BRMS1: variants seen among roughly 807,000 people sequenced by gnomAD.
BRMS1 encodes the protein breast cancer metastasis-suppressor 1.
Under a neutral mutation model 40.4 loss-of-function variants are expected in BRMS1, and 26 were observed. The observed-to-expected ratio is 0.64, with a 90% CI of 0.47 to 0.89. The LOEUF (loss-of-function observed/expected upper bound fraction) is 0.89, where lower values mean the gene tolerates loss of function less well. Ranked by LOEUF, BRMS1 falls within the 40% of genes least tolerant of loss-of-function variation. BRMS1 has a pLI of 0.00. For missense variants in BRMS1, 289 were observed against 309.4 expected, an observed-to-expected ratio of 0.93 and a Z score of 0.49; for synonymous variants, 103 against 116.0, an observed-to-expected ratio of 0.89 and a Z score of 0.72.
At position 66,340,882 on chromosome 11, in the gene BRMS1, G is replaced by A; in HGVS notation, c.439-12C>T. 1 of 1,613,952 alleles carries A rather than the reference G, an allele frequency of 6.2e-7. No homozygotes were observed. Among genetic ancestry groups the A allele is most frequent in the Non-Finnish European group, 8.5e-7 (1 of 1,179,886 alleles). On this transcript the variant is annotated splice_polypyrimidine_tract_variant and intron_variant, in intron 5 of 9. Coordinates refer to ENST00000359957, the MANE Select transcript of BRMS1 (RefSeq NM_015399.4). The stretch of plus-strand genomic sequence containing the variant: ...AGCAGCTTCTCACTCTGGAAGAGGG[G>A]GCAATAGCTCAGCAGGACGGATGGG...
intron 7 of BRMS1, 126 bp downstream of exon 7, chr11:66,339,995 G>T: frequency 1.4e-6 from 1 of 711,328 alleles, no homozygotes. Flanking sequence ...ATATTCACAT[G>T]ACACCAAGCA....
chr11:66,340,056 C>A lies in BRMS1; in HGVS notation c.628+65G>T, dbSNP rs1785633. The A allele has an allele frequency of 0.68, 935,458 of 1,384,694 alleles. 323,251 individuals are homozygous for A. The highest frequency in any genetic ancestry group is 0.81 in the South Asian group (68,733 of 85,292). The allele number at this position is 1,384,694 out of a possible 1,614,324, so 85.8% of individuals were successfully genotyped here. A position where few individuals can be genotyped will look rare whatever the true frequency, so the allele number is the denominator to read the frequency against. On this transcript the variant is annotated intron_variant, in intron 7 of 9. Coordinates refer to ENST00000359957, the MANE Select transcript of BRMS1 (RefSeq NM_015399.4). ...TCCTCCATGTCCCCTCCAACCCCCT[C>A]CCCTGGGTCTGGAGTTGACCCTTAC...
At position 66,337,756 on chromosome 11, in the gene BRMS1, C is replaced by A; in HGVS notation, c.*126G>T. ...CAGATGGAGTGGGAGGGCCCAGCAGCACCACAGGAGCCTGGCTGGGCAGAC... is the reference window on the plus strand; with the variant it reads ...CAGATGGAGTGGGAGGGCCCAGCAGAACCACAGGAGCCTGGCTGGGCAGAC... On this transcript the variant is annotated 3_prime_UTR_variant, in exon 10 of 10. Transcript: ENST00000359957. 1 of 1,613,178 alleles carries A rather than the reference C, an allele frequency of 6.2e-7. No homozygotes were observed.
Position 66,341,884 on chromosome 11 carries a change from A to G in BRMS1, c.139+212T>C, listed in dbSNP as rs1477554239. 3.3e-6 allele frequency: 2 copies of G among 597,830 alleles called. No individual in the cohort carries two copies. Among genetic ancestry groups the G allele is most frequent in the South Asian group, 1.9e-5 (1 of 53,790 alleles). The allele number at this position is 597,830 out of a possible 1,614,324, so 37.0% of individuals were successfully genotyped here. On this transcript the variant is annotated intron_variant, in intron 2 of 9. Coordinates refer to ENST00000359957, the MANE Select transcript of BRMS1 (RefSeq NM_015399.4). This position sits in a 1 kb window ranked among gnomAD's most constrained non-coding sequence, Gnocchi z 4.9. ...GTGTGAAGGGGCTGTGTGTGTGCAT[A>G]CGTGCTTGTGTGTAGGGGCTGTGTG... is the stretch of plus-strand genomic sequence containing the variant.
At position 66,341,530 on chromosome 11, in the gene BRMS1, C is replaced by G. The variant is rs747740272; in HGVS notation, c.230+3G>C. ...ACCCAGCCCAAGGTGTCCCCACGCTCACTTCTCCTTTAGCTCCGAGAACTG... is the reference window on the plus strand; with the variant it reads ...ACCCAGCCCAAGGTGTCCCCACGCTGACTTCTCCTTTAGCTCCGAGAACTG... On this transcript the variant is annotated splice_donor_region_variant and intron_variant, in intron 3 of 9. Coordinates refer to ENST00000359957, the MANE Select transcript of BRMS1 (RefSeq NM_015399.4). The surrounding 1 kb of genome is among the most constrained non-coding windows in gnomAD (Gnocchi z 4.9). 2 of 1,613,988 alleles carry G rather than the reference C, an allele frequency of 1.2e-6. No homozygotes were observed. Among genetic ancestry groups the G allele is most frequent in the Non-Finnish European group, 1.7e-6 (2 of 1,179,926 alleles).
In BRMS1 at chr11:66,341,967, G is replaced by T; in HGVS notation, c.139+129C>A. 9.7e-7 allele frequency: 1 copy of T among 1,030,738 alleles called. No individual in the cohort carries two copies. The allele number at this position is 1,030,738 out of a possible 1,614,324, so 63.8% of individuals were successfully genotyped here. On this transcript the variant is annotated intron_variant, in intron 2 of 9. Coordinates refer to ENST00000359957, the MANE Select transcript of BRMS1 (RefSeq NM_015399.4). The surrounding 1 kb of genome is among the most constrained non-coding windows in gnomAD (Gnocchi z 4.9). ...GTGTGCGCTTGTGTGCAGGGTCTGT[G>T]TATGTGCTTGTGTGTAGGCGCTGTA...
chr11:66,342,304 C>CA, intron 1 of BRMS1, 63 bp from the exon 2 acceptor site: 1 of 1,586,292 alleles, frequency 6.3e-7, no homozygotes, highest in Non-Finnish European at 8.6e-7. Flanking sequence ...AAAGAGGCAG[C>CA]AGGATGCTGA....
In BRMS1 at chr11:66,338,251, TTTCTC is replaced by T; in HGVS notation, c.720_724del (p.Arg241IlefsTer88). ...ACAGCCATGGTTCTTACCATCCGAT[TTTCTC>T]TTCTGAGGGGACACAGCTGCCCTAG... On this transcript the variant is annotated frameshift_variant, in exon 9 of 10. Coordinates refer to ENST00000359957, the MANE Select transcript of BRMS1 (RefSeq NM_015399.4). LOFTEE classifies it high-confidence loss of function. 1.9e-6 allele frequency: 3 copies of T among 1,611,668 alleles called. No individual in the cohort carries two copies. The highest frequency in any genetic ancestry group is 2.5e-6 in the Non-Finnish European group (3 of 1,178,852).
intron 2 of BRMS1, 32 bp downstream of exon 2, chr11:66,342,056 CTGTGTGTG>C: frequency 5.4e-6 from 8 of 1,490,348 alleles, no homozygotes; most frequent in Non-Finnish European, 7.3e-6. Context: ...TGTAGGGGCT[CTGTGTGTG>C]TGTGTGTGTG....
intron 7 of BRMS1, 91 bp downstream of exon 7, chr11:66,340,030 G>T: frequency 9.9e-7 from 1 of 1,005,642 alleles, no homozygotes; most frequent in Non-Finnish European, 1.5e-6. Context: ...TAGTGTGACT[G>T]TCCTCCATGT....
intron 6 of BRMS1, 28 bp downstream of exon 6, chr11:66,340,746 T>G (rs1248028131): frequency 3.8e-6 from 6 of 1,593,206 alleles, no homozygotes; most frequent in Non-Finnish European, 5.1e-6. Flanking sequence ...GGGGCCCAGT[T>G]CCGGGGTGCC....
At position 66,338,251 on chromosome 11, in the gene BRMS1, T is replaced by C; in HGVS notation, c.725A>G (p.Lys242Arg). The change falls in exon 9 of 10, where the codon AAA becomes AGA. Residue 242 changes from lysine to arginine, a missense_variant. Physicochemically the swap from Lys to Arg is conservative, Grantham distance 26 (BLOSUM62 2). Coordinates refer to ENST00000359957, the MANE Select transcript of BRMS1 (RefSeq NM_015399.4). ...ARAAVSPQKRKSDGP is the reference protein window; with the variant it reads ...ARAAVSPQKRRSDGP ...ACAGCCATGGTTCTTACCATCCGAT[T>C]TTCTCTTCTGAGGGGACACAGCTGC... is the stretch of plus-strand genomic sequence containing the variant. 6.2e-7 allele frequency: 1 copy of C among 1,611,668 alleles called. No homozygotes were observed. The highest frequency in any genetic ancestry group is 8.5e-7 in the Non-Finnish European group (1 of 1,178,852).
chr11:66,341,115 C>G lies in BRMS1; in HGVS notation c.359-69G>C. 6.2e-7 allele frequency: 1 copy of G among 1,612,462 alleles called. No homozygotes were observed. Among genetic ancestry groups the G allele is most frequent in the Non-Finnish European group, 8.5e-7 (1 of 1,179,378 alleles). ...GGTGCCCACATAGGAGGGCTGAGAG[C>G]AAAGGGCAAGGCCGGGCAGGAACGA... On this transcript the variant is annotated intron_variant, in intron 4 of 9. Coordinates refer to ENST00000359957, the MANE Select transcript of BRMS1 (RefSeq NM_015399.4). This position sits in a 1 kb window ranked among gnomAD's most constrained non-coding sequence, Gnocchi z 4.9.
chr11:66,341,333 C>T lies in BRMS1; in HGVS notation c.231G>A (p.Lys77=), dbSNP rs1244386488. 1 of 1,612,086 alleles carries T rather than the reference C, an allele frequency of 6.2e-7. No homozygotes were observed. The highest frequency in any genetic ancestry group is 8.5e-7 in the Non-Finnish European group (1 of 1,178,360). ...LEKQFSELKE[K]LFRERLSQLR... Reference sequence around the variant, plus strand: ...GCTGACTCAGTCGTTCCCTGAACAACCTGCGTGGTAAAAAGGCAGCCGTGC... The same window carrying T: ...GCTGACTCAGTCGTTCCCTGAACAATCTGCGTGGTAAAAAGGCAGCCGTGC... Residue 77 remains lysine (K), a splice_region_variant and synonymous_variant, in exon 4 of 10, where the codon AAG becomes AAA. Coordinates refer to ENST00000359957, the MANE Select transcript of BRMS1 (RefSeq NM_015399.4). The surrounding 1 kb of genome is among the most constrained non-coding windows in gnomAD (Gnocchi z 4.9).
Position 66,340,875 on chromosome 11 carries a change from A to C in BRMS1, c.439-5T>G, listed in dbSNP as rs770978156. On this transcript the variant is annotated splice_polypyrimidine_tract_variant and splice_region_variant and intron_variant, in intron 5 of 9. Transcript: ENST00000359957. ...ATAGAGCAGCAGCTTCTCACTCTGGAAGAGGGGGCAATAGCTCAGCAGGAC... is the reference window on the plus strand; with the variant it reads ...ATAGAGCAGCAGCTTCTCACTCTGGCAGAGGGGGCAATAGCTCAGCAGGAC... 2.0e-5 allele frequency: 32 copies of C among 1,613,976 alleles called. No individual in the cohort carries two copies. Among genetic ancestry groups the C allele is most frequent in the Middle Eastern group, 3.3e-4 (2 of 6,060 alleles).
In BRMS1 at chr11:66,338,753, C is replaced by T. The variant is rs758361866; in HGVS notation, c.661G>A (p.Asp221Asn). Residue 221 changes from aspartate to asparagine, a missense_variant, in exon 8 of 10, where the codon GAC (aspartate) becomes AAC (asparagine). Transcript: ENST00000359957. ...ATGGCTGTCCAGTCCTCCAGGATGT[C>T]GATCTCTTGAAGCATGTACACGATG... ...PYIVYMLQEI[D>N]ILEDWTAIKK... 3.1e-6 allele frequency: 5 copies of T among 1,591,036 alleles called. No individual in the cohort carries two copies. Among genetic ancestry groups the T allele is most frequent in the East Asian group, 2.2e-5 (1 of 44,598 alleles).
At chr11:66,342,326 T>C in intron 1 of BRMS1, 85 bp from the exon 2 acceptor site, 2 of 1,541,546 alleles carry the variant, frequency 1.3e-6, no homozygotes, top group Non-Finnish European at 1.8e-6. Context: ...CACAACTCGA[T>C]CCCAGATGGG....
At chr11:66,342,316 C>T (rs1438647794) in intron 1 of BRMS1, 75 bp from the exon 2 acceptor site, 2 of 1,562,100 alleles carry the variant, frequency 1.3e-6, no homozygotes, top group Non-Finnish European at 1.7e-6. Context: ...GGATGCTGAA[C>T]ACAACTCGAT....
chr11:66,339,822 G>A, intron 7 of BRMS1: 1 of 298,990 alleles, frequency 3.3e-6, no homozygotes, highest in Non-Finnish European at 6.3e-6. Context: ...GTCTCGAAAA[G>A]AACTCCTGGG....
Sources: allele counts gnomAD v4.1 joint callset, GRCh38; gene constraint gnomAD v4.1.1; non-coding constraint Gnocchi (gnomAD v3.1); transcripts MANE v1.5; gene names NCBI Gene and HGNC (gene_info 2026-07-23, HGNC 2026-07-21).